The following PDE10A variants were observed in gnomAD, a reference collection of about 807,000 sequenced individuals.
PDE10A encodes the protein cAMP and cAMP-inhibited cGMP 3',5'-cyclic phosphodiesterase 10A.
In PDE10A, 39 loss-of-function variants were observed where a neutral mutation model predicts 97.7. The observed-to-expected ratio is 0.40, with a 90% CI of 0.31 to 0.52. PDE10A has a LOEUF of 0.52. Ranked by LOEUF, PDE10A falls within the 20% of genes least tolerant of loss-of-function variation. The pLI is 0.56. For synonymous variants in PDE10A, 371 were observed against 376.8 expected, an observed-to-expected ratio of 0.98 and a Z score of 0.18; for missense variants, 731 against 1,047.8, an observed-to-expected ratio of 0.70 and a Z score of 4.17.
intron 5 of PDE10A, among the ~76,000 whole-genome samples, chr6:165,437,286 A>T (rs1297615193): frequency 6.6e-6 from 1 of 152,060 alleles, no homozygotes; most frequent in Non-Finnish European, 1.5e-5. Context: ...ATTTAATCAC[A>T]TGTTTAAGTT....
intron 1 of PDE10A, among the ~76,000 whole-genome samples, chr6:165,645,388 G>A (rs972888045): frequency 1.3e-5 from 2 of 152,112 alleles, no homozygotes; most frequent in African/African-American, 4.8e-5. Context: ...GGCTCTGTGG[G>A]CAAGGAAACC....
rs757457331 is a variant in PDE10A at position 165,418,775 on chromosome 6, T to C, written c.1656A>G (p.Ile552Met). Residue 552 changes from isoleucine (I) to methionine (M), a missense_variant and splice_region_variant, in exon 11 of 22, where the codon ATA becomes ATG. Ile to Met is a conservative substitution (Grantham distance 10). Coordinates refer to ENST00000539869, the MANE Select transcript of PDE10A (RefSeq NM_001385079.1). The surrounding 1 kb of genome is among the most constrained non-coding windows in gnomAD (Gnocchi z 4.8). ...AIDSLLEHIM[I>M]YAKNLVNADR... The stretch of plus-strand genomic sequence containing the variant: ...CGGCATTCACCAGGTTTTTTGCATA[T>C]ATCTAAAGACAAATGACAAAATAAG... 3.1e-6 allele frequency: 5 copies of C among 1,612,730 alleles called. No homozygotes were observed. Among genetic ancestry groups the C allele is most frequent in the Non-Finnish European group, 4.2e-6 (5 of 1,179,398 alleles).
intron 1 of PDE10A, among the ~76,000 whole-genome samples, chr6:165,617,291 C>A (rs1391080789): frequency 6.6e-6 from 1 of 152,152 alleles, no homozygotes; most frequent in South Asian, 2.1e-4. Context: ...GAAAGAGGGA[C>A]CGCTTTACGC....
intron 2 of PDE10A, among the ~76,000 whole-genome samples, chr6:165,493,385 G>T (rs1468143160): frequency 4.6e-5 from 7 of 151,800 alleles, no homozygotes; most frequent in Non-Finnish European, 1.0e-4. Context: ...CCAAAGAAAG[G>T]CTAAGCAAAA....
At position 165,605,018 on chromosome 6, in the gene PDE10A, A is replaced by G. The variant is rs1583630226; in HGVS notation, c.865+56929T>C. ...CCAGTCACCACATTAGAAGTGTGGT[A>G]GCTCTCCTGAACCCCCTTCTTTGCC... On this transcript the variant is annotated intron_variant, in intron 1 of 21. Coordinates refer to ENST00000539869, the MANE Select transcript of PDE10A (RefSeq NM_001385079.1). Among the ~76,000 whole-genome samples, 3 of 152,336 alleles carry G rather than the reference A, an allele frequency of 2.0e-5. No homozygotes were observed. The South Asian group carries it at 6.2e-4, about 32-fold the overall frequency.
intron 1 of PDE10A, among the ~76,000 whole-genome samples, chr6:165,895,526 T>G (rs887664407): frequency 1.3e-5 from 2 of 152,180 alleles, no homozygotes; most frequent in Non-Finnish European, 2.9e-5. Flanking sequence ...TTCTGTTGCT[T>G]TAAGCCACCT....
At chr6:165,407,220 G>T (rs1787258632) in intron 13 of PDE10A, among the ~76,000 whole-genome samples, 1 of 152,044 alleles carries the variant, frequency 6.6e-6, no homozygotes, top group Non-Finnish European at 1.5e-5. Flanking sequence ...CGTAGTAATT[G>T]TCTTCCCTGT....
chr6:165,363,295 C>T (rs1252173194), intron 18 of PDE10A, among the ~76,000 whole-genome samples: 1 of 151,918 alleles, frequency 6.6e-6, no homozygotes, highest in African/African-American at 2.4e-5. Flanking sequence ...GGCAGGTAAA[C>T]CATGAGGTCA....
At chr6:165,568,052 G>T (rs1343135901) in intron 1 of PDE10A, among the ~76,000 whole-genome samples, 2 of 146,510 alleles carry the variant, frequency 1.4e-5, no homozygotes, top group Admixed American at 1.4e-4. Context: ...AGGCTGGAGT[G>T]CAGTGGCACA....
chr6:165,368,435 ATTATT>A (rs538723526), intron 18 of PDE10A, among the ~76,000 whole-genome samples: 3 of 152,250 alleles, frequency 2.0e-5, no homozygotes, highest in Non-Finnish European at 4.4e-5. Context: ...TATAAATTGA[ATTATT>A]TTAAAGTTTT....
intron 1 of PDE10A, among the ~76,000 whole-genome samples, chr6:165,728,878 TTA>T (rs1213307655): frequency 6.6e-6 from 1 of 152,182 alleles, no homozygotes; most frequent in East Asian, 1.9e-4. Context: ...ACTGCCTAAT[TTA>T]TATTATGTAA....
At chr6:165,935,831 T>A (rs1004720514) in intron 1 of PDE10A, among the ~76,000 whole-genome samples, 1 of 152,212 alleles carries the variant, frequency 6.6e-6, no homozygotes, top group Non-Finnish European at 1.5e-5. Flanking sequence ...GCTCTTGCTA[T>A]CTGATGCCTT....
At chr6:165,545,241 C>T (rs376243152) in intron 1 of PDE10A, 68 of 495,248 alleles carry the variant, frequency 1.4e-4, no homozygotes, top group Non-Finnish European at 2.3e-4. Context: ...TCCATAATGA[C>T]GACACCAAAA....
At chr6:165,894,214 C>G (rs1258151552) in intron 1 of PDE10A, 1 of 434,966 alleles carries the variant, frequency 2.3e-6, no homozygotes, top group East Asian at 7.1e-5. Flanking sequence ...AGAGCCGTCT[C>G]TGGAGGAATA....
At chr6:165,702,585 TC>T (rs1194720454) in intron 1 of PDE10A, among the ~76,000 whole-genome samples, 1 of 152,154 alleles carries the variant, frequency 6.6e-6, no homozygotes, top group Non-Finnish European at 1.5e-5. Flanking sequence ...ACAATTAAGA[TC>T]AACTAATTCG....
intron 1 of PDE10A, among the ~76,000 whole-genome samples, chr6:165,611,789 T>C (rs1358509863): frequency 6.6e-6 from 1 of 152,250 alleles, no homozygotes; most frequent in East Asian, 1.9e-4. Context: ...ACCATAAGTA[T>C]AATGAAGATA....
Position 165,957,058 on chromosome 6 carries a change from A to G in PDE10A, c.-615+30471T>C, listed in dbSNP as rs976713801. Reference sequence around the variant, plus strand: ...GAGCATTTGCAAAGCCAGAAAAATGACCTCCTGGCTACTAGTGCAGGAGAC... The same window carrying G: ...GAGCATTTGCAAAGCCAGAAAAATGGCCTCCTGGCTACTAGTGCAGGAGAC... On this transcript the variant is annotated intron_variant, in intron 1 of 19. Coordinates refer to the PDE10A transcript ENST00000366882. Among the ~76,000 whole-genome samples the G allele has an allele frequency of 5.3e-5, 8 of 152,036 alleles. No homozygotes were observed. The South Asian group carries it at 8.3e-4, about 16-fold the overall frequency.
chr6:165,567,927 C>A (rs151145097), intron 1 of PDE10A, among the ~76,000 whole-genome samples: 2 of 150,740 alleles, frequency 1.3e-5, no homozygotes, highest in Non-Finnish European at 2.9e-5. Context: ...AGCCAATAGT[C>A]TCTACTTACC....
intron 18 of PDE10A, among the ~76,000 whole-genome samples, chr6:165,347,191 C>A (rs990599471): frequency 2.6e-5 from 4 of 151,938 alleles, no homozygotes; most frequent in African/African-American, 4.8e-5. Context: ...ACTATACCTT[C>A]ATCAAAATGT....
Sources: gnomAD v4.1 joint callset for allele counts (sites outside exome capture counted in the v4.1 genomes callset) on GRCh38, gnomAD v4.1.1 for gene constraint, Gnocchi (gnomAD v3.1) non-coding constraint, MANE v1.5 for transcripts, NCBI Gene and HGNC (gene_info 2026-07-23, HGNC 2026-07-21) for gene names.